SH3BP5: variants seen among roughly 807,000 people sequenced by gnomAD.
The protein encoded by SH3BP5 is SH3 domain-binding protein 5.
In SH3BP5, 22 loss-of-function variants were observed where a neutral mutation model predicts 43.3. That is an observed-to-expected ratio of 0.51 (90% CI 0.36 to 0.73). SH3BP5 has a LOEUF of 0.73. Ranked by LOEUF, SH3BP5 falls within the 30% of genes least tolerant of loss-of-function variation. SH3BP5 has a pLI of 0.00. For synonymous variants in SH3BP5, 255 were observed against 225.8 expected (o/e 1.13, Z -1.16); for missense variants, 529 against 586.9 (o/e 0.90, Z 1.02).
At chr3:15,313,346 T>TGGC (rs2125123725) in intron 2 of SH3BP5, among the ~76,000 whole-genome samples, 1 of 152,298 alleles carries the variant, frequency 6.6e-6, no homozygotes, top group South Asian at 2.1e-4. Flanking sequence ...GCAAAAATGA[T>TGGC]GGCGGCAGCA....
intron 1 of SH3BP5, among the ~76,000 whole-genome samples, chr3:15,337,914 C>CAA (rs5846867): frequency 0.034 from 2,127 of 61,848 alleles, 154 homozygotes; most frequent in African/African-American, 0.095. Flanking sequence ...GACCCTGACT[C>CAA]AAAAAAAAAA....
chr3:15,305,762 G>C (rs1697885372), intron 2 of SH3BP5, among the ~76,000 whole-genome samples: 1 of 152,176 alleles, frequency 6.6e-6, no homozygotes, highest in Non-Finnish European at 1.5e-5. Context: ...AATGGCAAGA[G>C]ATAAGGGTGG....
intron 2 of SH3BP5, among the ~76,000 whole-genome samples, chr3:15,305,962 A>G (rs1697890817): frequency 6.6e-6 from 1 of 151,994 alleles, no homozygotes; most frequent in South Asian, 2.1e-4. Flanking sequence ...GGATCAGGTC[A>G]GTGATTCAAA....
At chr3:15,260,154 G>A in intron 5 of SH3BP5, 1 of 291,474 alleles carries the variant, frequency 3.4e-6, no homozygotes. Context: ...AGGGTGGCCT[G>A]GATCTGCTCT....
At chr3:15,266,720 C>T (rs767907178) in intron 4 of SH3BP5, among the ~76,000 whole-genome samples, 5 of 152,232 alleles carry the variant, frequency 3.3e-5, no homozygotes, top group African/African-American at 4.8e-5. Flanking sequence ...CCTCATCAAC[C>T]CCAGCACTAA....
At chr3:15,300,929 G>A (rs1010433775) in intron 3 of SH3BP5, among the ~76,000 whole-genome samples, 4 of 152,036 alleles carry the variant, frequency 2.6e-5, no homozygotes, top group East Asian at 1.9e-4. Flanking sequence ...CATCTGATTC[G>A]ACCGATGACT....
chr3:15,336,579 G>A (rs1332617735), upstream of SH3BP5, among the ~76,000 whole-genome samples: 1 of 152,190 alleles, frequency 6.6e-6, no homozygotes, highest in Non-Finnish European at 1.5e-5. Flanking sequence ...GGGGCAGAGG[G>A]CAATGGAGGT....
intron 2 of SH3BP5, among the ~76,000 whole-genome samples, chr3:15,322,898 T>C (rs1035536321): frequency 6.6e-6 from 1 of 151,906 alleles, no homozygotes; most frequent in Non-Finnish European, 1.5e-5. Flanking sequence ...TACTAGCACT[T>C]TGGGAGGCTG....
At chr3:15,285,511 T>C (rs941430225) in intron 3 of SH3BP5, among the ~76,000 whole-genome samples, 1 of 152,256 alleles carries the variant, frequency 6.6e-6, no homozygotes, top group Admixed American at 6.5e-5. Context: ...ACCAAGTTTC[T>C]GTACTTCTTT....
chr3:15,265,059 C>G (rs548801879), intron 4 of SH3BP5, among the ~76,000 whole-genome samples: 1 of 151,874 alleles, frequency 6.6e-6, no homozygotes, highest in Non-Finnish European at 1.5e-5. Context: ...AGCAGAAGCA[C>G]AGGCTTTCTA....
At chr3:15,330,639 A>C in intron 1 of SH3BP5, 73 bp from the exon 2 acceptor site, 1 of 1,405,174 alleles carries the variant, frequency 7.1e-7, no homozygotes, top group Non-Finnish European at 9.4e-7. Flanking sequence ...TCAGTCCATA[A>C]CCTGAAAAAT....
Position 15,330,400 on chromosome 3 carries a change from G to T in SH3BP5, c.201+104C>A, listed in dbSNP as rs1037113388. On this transcript the variant is annotated intron_variant, in intron 2 of 8. Transcript: ENST00000383791. ...GAGCTGTTGCTCAACTCCCAAGGAG[G>T]GGGGTCCAGCAATAACACTCCAGCT... 4 of 908,662 alleles carry T rather than the reference G, an allele frequency of 4.4e-6. No homozygotes were observed. The African/African-American group carries it at 6.6e-5, about 15-fold the overall frequency. 56.3% of individuals were successfully genotyped at this position (908,662 alleles called of 1,614,324 possible).
intron 3 of SH3BP5, among the ~76,000 whole-genome samples, chr3:15,275,210 G>T (rs1034460618): frequency 3.9e-5 from 6 of 152,226 alleles, no homozygotes; most frequent in Admixed American, 2.0e-4. Context: ...GAGTGTATCA[G>T]GCAGCAGGCC....
At chr3:15,282,400 T>C (rs1022023203) in intron 3 of SH3BP5, among the ~76,000 whole-genome samples, 2 of 152,160 alleles carry the variant, frequency 1.3e-5, no homozygotes, top group Non-Finnish European at 2.9e-5. Flanking sequence ...CTGTGCAAGT[T>C]TGCAAATTTT....
At chr3:15,321,515 C>CTT (rs34363123) in intron 2 of SH3BP5, among the ~76,000 whole-genome samples, 58 of 144,056 alleles carry the variant, frequency 4.0e-4, no homozygotes, top group Middle Eastern at 3.6e-3. Context: ...CTTATAAAGA[C>CTT]TTTTTTTTTT....
chr3:15,279,875 C>T (rs1437805855), intron 3 of SH3BP5, among the ~76,000 whole-genome samples: 1 of 152,102 alleles, frequency 6.6e-6, no homozygotes, highest in Non-Finnish European at 1.5e-5. Flanking sequence ...CTGGACACCG[C>T]ATGTTCAGAC....
intron 4 of SH3BP5, among the ~76,000 whole-genome samples, chr3:15,264,867 G>A (rs1209911022): frequency 6.6e-6 from 1 of 152,050 alleles, no homozygotes; most frequent in African/African-American, 2.4e-5. Context: ...TGTTGGGGGT[G>A]ATTGTTTTAT....
chr3:15,332,476 C>T lies in SH3BP5; in HGVS notation c.-68G>A. On this transcript the variant is annotated 5_prime_UTR_variant, in exon 1 of 9. Transcript: ENST00000383791. ...CCCCGGGGGTCGCGGCTGCCACAGG[C>T]TGGGCTGGAGCCGCCTCGCCACAGC... is the stretch of plus-strand genomic sequence containing the variant. 7.1e-7 allele frequency: 1 copy of T among 1,410,604 alleles called. No homozygotes were observed. Among genetic ancestry groups the T allele is most frequent in the Non-Finnish European group, 9.2e-7 (1 of 1,090,418 alleles). 87.4% of individuals were successfully genotyped at this position (1,410,604 alleles called of 1,614,324 possible). A position where few individuals can be genotyped will look rare whatever the true frequency, so the allele number is the denominator to read the frequency against.
intron 3 of SH3BP5, among the ~76,000 whole-genome samples, chr3:15,279,962 T>C (rs975874187): frequency 6.6e-6 from 1 of 152,168 alleles, no homozygotes; most frequent in African/African-American, 2.4e-5. Flanking sequence ...TTTGTCACCC[T>C]ACAGAATCTC....
Sources: allele counts gnomAD v4.1 joint callset (sites outside exome capture counted in the v4.1 genomes callset), GRCh38; gene constraint gnomAD v4.1.1; transcripts MANE v1.5; gene names NCBI Gene and HGNC (gene_info 2026-07-23, HGNC 2026-07-21).